GPC4: variants seen among roughly 807,000 people sequenced by gnomAD.
The protein encoded by GPC4 is glypican-4.
Under a neutral mutation model 35.0 loss-of-function variants are expected in GPC4, and 10 were observed. The ratio of observed to expected loss-of-function variants is 0.29; its 90% CI spans 0.18 to 0.48. The LOEUF is 0.48. Among genes scored for constraint, GPC4 ranks in the 20% least tolerant of loss-of-function variants. GPC4 has a pLI of 0.99. For missense variants in GPC4, 322 were observed against 451.3 expected (o/e 0.71, Z 2.60); for synonymous variants, 167 against 170.2 (o/e 0.98, Z 0.15).
intron 3 of GPC4, among the ~76,000 whole-genome samples, chrX:133,322,919 T>C (rs528917629): frequency 1.1e-4 from 12 of 111,794 alleles, no homozygotes; most frequent in East Asian, 8.5e-4. Flanking sequence ...TCTTCCCTGG[T>C]ATTGACTCAT....
chrX:133,333,785 C>T (rs903626244), intron 2 of GPC4, among the ~76,000 whole-genome samples: 49 of 112,413 alleles, frequency 4.4e-4, no homozygotes, highest in Non-Finnish European at 2.1e-4. Context: ...AAATGTTGCC[C>T]GCTGTACTAC....
intron 1 of GPC4, among the ~76,000 whole-genome samples, chrX:133,343,945 G>A (rs746021168): frequency 8.2e-5 from 9 of 109,388 alleles, no homozygotes; most frequent in Admixed American, 3.0e-4. Flanking sequence ...ATTTAACAGC[G>A]CTCTGAGGCA....
intron 4 of GPC4, among the ~76,000 whole-genome samples, chrX:133,310,604 T>C (rs775633931): frequency 3.1e-4 from 35 of 112,140 alleles, no homozygotes; most frequent in Admixed American, 2.5e-3. Flanking sequence ...CAGAGCAGAC[T>C]ACTACTGCTA....
At chrX:133,336,764 G>C (rs919481846) in intron 2 of GPC4, among the ~76,000 whole-genome samples, 11 of 110,194 alleles carry the variant, frequency 1.0e-4, no homozygotes, top group African/African-American at 3.3e-4. Flanking sequence ...AAAAAACCTT[G>C]TATCTATGTT....
At position 133,414,876 on chromosome X, in the gene GPC4, G is replaced by C; in HGVS notation, c.90C>G (p.Cys30Trp). 8.3e-7 allele frequency: 1 copy of C among 1,211,994 alleles called. No homozygotes were observed. Residue 30 changes from cysteine to tryptophan, a missense_variant, in exon 1 of 9, where the codon TGC becomes TGG. Cys to Trp is a radical substitution (Grantham distance 215). Coordinates refer to ENST00000370828, the MANE Select transcript of GPC4 (RefSeq NM_001448.3). Reference protein sequence around the residue: ...LLAAELKSKSCSEVRRLYVSK... With the variant: ...LLAAELKSKSWSEVRRLYVSK... Reference sequence around the variant, plus strand: ...ACACGTAAAGACGTCGCACTTCCGAGCAACTTTTCGACTTGAGCTCGGCAG... The same window carrying C: ...ACACGTAAAGACGTCGCACTTCCGACCAACTTTTCGACTTGAGCTCGGCAG...
chrX:133,324,018 G>T (rs1198701930), intron 3 of GPC4, 127 bp downstream of exon 3: 8 of 640,825 alleles, frequency 1.2e-5, no homozygotes, highest in Non-Finnish European at 1.8e-5. Flanking sequence ...AGAGGTAAGA[G>T]AGGAAGAAAA....
At chrX:133,330,726 C>T (rs1038235744) in intron 2 of GPC4, among the ~76,000 whole-genome samples, 2 of 110,397 alleles carry the variant, frequency 1.8e-5, no homozygotes, top group African/African-American at 6.6e-5. Context: ...GGCGGGAGGA[C>T]TGCTTGAAGC....
At chrX:133,388,952 CTTT>C (rs759257116) in intron 1 of GPC4, among the ~76,000 whole-genome samples, 19 of 53,463 alleles carry the variant, frequency 3.6e-4, no homozygotes, top group African/African-American at 7.4e-4. Flanking sequence ...TACCCATAGC[CTTT>C]TTTTTTTTTT....
intron 1 of GPC4, among the ~76,000 whole-genome samples, chrX:133,343,713 C>T (rs1433693338): frequency 9.0e-6 from 1 of 110,788 alleles, no homozygotes; most frequent in Non-Finnish European, 1.9e-5. Flanking sequence ...AAAAACAAAA[C>T]AAAAAAAATC....
chrX:133,345,466 C>A (rs931970042), intron 1 of GPC4, among the ~76,000 whole-genome samples: 17 of 112,281 alleles, frequency 1.5e-4, no homozygotes, highest in African/African-American at 5.2e-4. Context: ...CTAAAGCTGC[C>A]TCCTTACACA....
At chrX:133,321,935 TGAGA>T (rs1247018732) in intron 3 of GPC4, among the ~76,000 whole-genome samples, 1 of 111,643 alleles carries the variant, frequency 9.0e-6, no homozygotes, top group African/African-American at 3.3e-5. Flanking sequence ...GGCCTGGAGA[TGAGA>T]GAGAGAACAA....
At chrX:133,327,325 A>C (rs2068398581) in intron 2 of GPC4, among the ~76,000 whole-genome samples, 1 of 111,670 alleles carries the variant, frequency 9.0e-6, no homozygotes, top group Non-Finnish European at 1.9e-5. Context: ...GTGCGGTGTG[A>C]CATTTCAAGC....
intron 3 of GPC4, among the ~76,000 whole-genome samples, chrX:133,313,170 G>C (rs1259342011): frequency 9.0e-6 from 1 of 111,583 alleles, no homozygotes; most frequent in Non-Finnish European, 1.9e-5. Context: ...TGTTACTTTG[G>C]ATATCACTTA....
chrX:133,388,256 T>C (rs373501982), intron 1 of GPC4, among the ~76,000 whole-genome samples: 1 of 112,245 alleles, frequency 8.9e-6, no homozygotes, highest in African/African-American at 3.2e-5. Context: ...TTTAGTCCAC[T>C]TGATGTTGAG....
At chrX:133,399,930 T>C (rs1268203589) in intron 1 of GPC4, among the ~76,000 whole-genome samples, 1 of 111,316 alleles carries the variant, frequency 9.0e-6, no homozygotes, top group Non-Finnish European at 1.9e-5. Flanking sequence ...AGGCAGAGGC[T>C]GCAGTGAGCC....
At chrX:133,404,866 A>AAAAAAAAAAAAAAAAAAAAAG (rs753375530) in intron 1 of GPC4, among the ~76,000 whole-genome samples, 9 of 89,267 alleles carry the variant, frequency 1.0e-4, no homozygotes, top group African/African-American at 4.7e-4. Context: ...AAAAAAAAAA[A>AAAAAAAAAAAAAAAAAAAAAG]AAGGTGCAGA....
chrX:133,344,771 A>G (rs1264563404), intron 1 of GPC4, among the ~76,000 whole-genome samples: 1 of 112,060 alleles, frequency 8.9e-6, no homozygotes, highest in Non-Finnish European at 1.9e-5. Flanking sequence ...AGAGCCAGAA[A>G]ACATTGCAAG....
chrX:133,354,560 A>ATTTTT lies in GPC4; in HGVS notation c.161-15220_161-15219insAAAAA, dbSNP rs1174002540. On this transcript the variant is annotated intron_variant, in intron 1 of 8. Coordinates refer to ENST00000370828, the MANE Select transcript of GPC4 (RefSeq NM_001448.3). ...TCATGTTTTATTTATTTATTTATTT[A>ATTTTT]TTTATTTATTTTTTTTTTTGAGACG... Among the ~76,000 whole-genome samples, 52 of 93,674 alleles carry ATTTTT rather than the reference A, an allele frequency of 5.6e-4. 1 individual carries two copies. The highest frequency in any genetic ancestry group is 2.1e-3 in the African/African-American group (44 of 20,819). 81.3% of individuals were successfully genotyped at this position (93,674 alleles called of 115,157 possible).
intron 1 of GPC4, among the ~76,000 whole-genome samples, chrX:133,350,039 C>T (rs759996733): frequency 3.6e-5 from 4 of 111,710 alleles, no homozygotes; most frequent in Non-Finnish European, 7.5e-5. Context: ...TCACAATATA[C>T]CCAAAATTTC....
Sources: gnomAD v4.1 joint callset for allele counts (sites outside exome capture counted in the v4.1 genomes callset) on GRCh38, gnomAD v4.1.1 for gene constraint, MANE v1.5 for transcripts, NCBI Gene and HGNC (gene_info 2026-07-23, HGNC 2026-07-21) for gene names.